CDH13: variants seen among roughly 807,000 people sequenced by gnomAD.
CDH13 encodes cadherin 13, also known as cadherin-13.
In CDH13, 24 loss-of-function variants were observed where a neutral mutation model predicts 63.8. The ratio of observed to expected loss-of-function variants is 0.38; its 90% CI spans 0.27 to 0.53. CDH13 has a LOEUF of 0.53. CDH13 is among the 20% of genes least tolerant of loss of function. The pLI is 0.85. For missense variants in CDH13, 1,049 were observed against 903.1 expected (o/e 1.16, Z -2.07); for synonymous variants, 503 against 355.3 (o/e 1.42, Z -4.67).
intron 4 of CDH13, among the ~76,000 whole-genome samples, chr16:83,154,048 G>C (rs2037102523): frequency 6.6e-6 from 1 of 152,158 alleles, no homozygotes; most frequent in Non-Finnish European, 1.5e-5. Context: ...GCCATGTCCT[G>C]TTGATATCAA....
intron 3 of CDH13, among the ~76,000 whole-genome samples, chr16:83,112,036 AG>A (rs1355517727): frequency 6.6e-5 from 10 of 152,334 alleles, no homozygotes; most frequent in South Asian, 6.2e-4. Flanking sequence ...TGGAGAAAAA[AG>A]TTTCCAGAGT....
intron 7 of CDH13, among the ~76,000 whole-genome samples, chr16:83,542,852 C>G (rs922119025): frequency 1.3e-5 from 2 of 152,238 alleles, no homozygotes; most frequent in Admixed American, 6.5e-5. Context: ...GGCCCGTGCT[C>G]ATGACCTCAT....
chr16:83,412,505 A>C (rs752739890), intron 6 of CDH13, among the ~76,000 whole-genome samples: 12 of 152,222 alleles, frequency 7.9e-5, no homozygotes, highest in Non-Finnish European at 1.3e-4. Context: ...ATGTGTCTAC[A>C]AACAGAGGTT....
At position 83,140,231 on chromosome 16, in the gene CDH13, G is replaced by C. The variant is rs143152920; in HGVS notation, c.483+14730G>C. Among the ~76,000 whole-genome samples the C allele has an allele frequency of 4.3e-3, 653 of 152,238 alleles. 4 individuals carry two copies. The highest frequency in any genetic ancestry group is 0.015 in the African/African-American group (619 of 41,538). Reference sequence around the variant, plus strand: ...CAGCTCCATGGCCGGCCCACACTTTGAGGAGCTCCACTTCTAATCATACCT... The same window carrying C: ...CAGCTCCATGGCCGGCCCACACTTTCAGGAGCTCCACTTCTAATCATACCT... On this transcript the variant is annotated intron_variant, in intron 4 of 13. Coordinates refer to ENST00000567109, the MANE Select transcript of CDH13 (RefSeq NM_001257.5).
At chr16:83,722,418 T>C (rs1909816995) in intron 10 of CDH13, among the ~76,000 whole-genome samples, 2 of 152,230 alleles carry the variant, frequency 1.3e-5, no homozygotes, top group Non-Finnish European at 2.9e-5. Context: ...CAGGGGCCAG[T>C]TGTTACCATC....
At chr16:82,832,852 C>T (rs953559538) in intron 1 of CDH13, among the ~76,000 whole-genome samples, 1 of 152,166 alleles carries the variant, frequency 6.6e-6, no homozygotes, top group Non-Finnish European at 1.5e-5. Context: ...TTTAACTGCA[C>T]CAAGGAACAT....
chr16:83,333,046 A>G (rs1291846756), intron 5 of CDH13, among the ~76,000 whole-genome samples: 1 of 152,182 alleles, frequency 6.6e-6, no homozygotes, highest in Non-Finnish European at 1.5e-5. Context: ...GGAAACTTTT[A>G]TCGCCCCTTT....
chr16:83,567,205 T>A (rs773870448), intron 7 of CDH13, among the ~76,000 whole-genome samples: 22 of 152,238 alleles, frequency 1.4e-4, no homozygotes, highest in Non-Finnish European at 2.9e-5. Context: ...CAGTCATGGC[T>A]CTCATCAGTG....
At chr16:82,975,778 T>C (rs1909415890) in intron 2 of CDH13, among the ~76,000 whole-genome samples, 1 of 152,138 alleles carries the variant, frequency 6.6e-6, no homozygotes, top group Non-Finnish European at 1.5e-5. Context: ...CAAAGGCCTT[T>C]ATATATTATT....
chr16:83,127,140 G>T (rs1446893392), intron 4 of CDH13, among the ~76,000 whole-genome samples: 1 of 152,160 alleles, frequency 6.6e-6, no homozygotes, highest in East Asian at 1.9e-4. Context: ...GGAAAGAATA[G>T]CATGTAGTAG....
chr16:83,192,053 C>T (rs1304065305), intron 4 of CDH13, among the ~76,000 whole-genome samples: 1 of 152,122 alleles, frequency 6.6e-6, no homozygotes, highest in African/African-American at 2.4e-5. Flanking sequence ...CCAAGCCCAC[C>T]AGCAATCTGC....
chr16:83,624,461 C>T (rs11645892), intron 8 of CDH13, among the ~76,000 whole-genome samples: 8,986 of 152,060 alleles, frequency 0.059, 390 homozygotes, highest in Non-Finnish European at 0.093. Flanking sequence ...TGACACTGTT[C>T]CACCTTAGAT....
At chr16:82,807,472 A>C (rs1351482284) in intron 1 of CDH13, among the ~76,000 whole-genome samples, 1 of 152,194 alleles carries the variant, frequency 6.6e-6, no homozygotes, top group African/African-American at 2.4e-5. Flanking sequence ...GGGAAGGGTC[A>C]GAGGTTCACA....
intron 1 of CDH13, among the ~76,000 whole-genome samples, chr16:82,632,965 T>C (rs1908199992): frequency 1.3e-5 from 2 of 152,092 alleles, no homozygotes. Flanking sequence ...TCACACAGGA[T>C]TCCAACTCCT....
chr16:82,807,863 C>A (rs1424452499), intron 1 of CDH13, among the ~76,000 whole-genome samples: 1 of 152,182 alleles, frequency 6.6e-6, no homozygotes, highest in African/African-American at 2.4e-5. Context: ...TTAGGCTCTT[C>A]CATACTTAAG....
At chr16:83,168,275 G>C (rs908068542) in intron 4 of CDH13, among the ~76,000 whole-genome samples, 2 of 152,096 alleles carry the variant, frequency 1.3e-5, no homozygotes, top group South Asian at 4.2e-4. Context: ...AAAGAGCTTA[G>C]CTAGGTGTTA....
At chr16:83,766,474 C>G (rs1166551191) in intron 11 of CDH13, among the ~76,000 whole-genome samples, 1 of 152,190 alleles carries the variant, frequency 6.6e-6, no homozygotes, top group Non-Finnish European at 1.5e-5. Flanking sequence ...TTTCCCTGTT[C>G]TCTGTCTTCC....
intron 1 of CDH13, among the ~76,000 whole-genome samples, chr16:82,737,997 C>G (rs2033760533): frequency 6.6e-6 from 1 of 152,130 alleles, no homozygotes. Context: ...GCAATCTACC[C>G]TCTTAATAAA....
intron 6 of CDH13, chr16:83,396,582 T>C (rs896209847): frequency 6.6e-6 from 1 of 152,158 alleles, no homozygotes; most frequent in Admixed American, 6.5e-5. Context: ...GGTTAAGCTC[T>C]ATGTTGGCTT....
Sources: allele counts gnomAD v4.1 joint callset (sites outside exome capture counted in the v4.1 genomes callset), GRCh38; gene constraint gnomAD v4.1.1; transcripts MANE v1.5; gene names NCBI Gene and HGNC (gene_info 2026-07-23, HGNC 2026-07-21).